KCNJ6: variants seen among roughly 807,000 people sequenced by gnomAD.
KCNJ6 encodes the protein G protein-activated inward rectifier potassium channel 2.
In KCNJ6, 9 loss-of-function variants were observed where a neutral mutation model predicts 34.2. The observed-to-expected ratio is 0.26, with a 90% confidence interval of 0.16 to 0.46. The LOEUF (loss-of-function observed/expected upper bound fraction) is 0.46, where lower values mean the gene tolerates loss of function less well. Ranked by LOEUF, KCNJ6 falls within the 20% of genes least tolerant of loss-of-function variation. KCNJ6 has a pLI of 1.00. For synonymous variants in KCNJ6, 196 were observed against 207.1 expected (o/e 0.95, Z 0.46); for missense variants, 236 against 531.3 (o/e 0.44, Z 5.46).
intron 3 of KCNJ6, among the ~76,000 whole-genome samples, chr21:37,626,126 C>T (rs1486869646): frequency 9.0e-6 from 1 of 110,828 alleles, no homozygotes; most frequent in Admixed American, 1.1e-4. Context: ...AGCTTTTCCC[C>T]CTTCTTTTTT....
At chr21:37,905,637 G>A (rs2055837980) in intron 1 of KCNJ6, among the ~76,000 whole-genome samples, 1 of 152,066 alleles carries the variant, frequency 6.6e-6, no homozygotes, top group African/African-American at 2.4e-5. Context: ...CCTTATTAAT[G>A]TTCTCCTCCC....
intron 2 of KCNJ6, among the ~76,000 whole-genome samples, chr21:37,741,225 G>T (rs1353591135): frequency 6.6e-6 from 1 of 152,130 alleles, no homozygotes; most frequent in Non-Finnish European, 1.5e-5. Flanking sequence ...TCCCCATGCT[G>T]TCTGGACTAG....
At chr21:37,879,108 G>T (rs1227880124) in intron 1 of KCNJ6, among the ~76,000 whole-genome samples, 2 of 152,190 alleles carry the variant, frequency 1.3e-5, no homozygotes, top group African/African-American at 4.8e-5. Flanking sequence ...ATCTTGCTAT[G>T]ATCTGGCTAG....
At chr21:37,639,119 C>T (rs139937965) in intron 3 of KCNJ6, among the ~76,000 whole-genome samples, 1 of 152,338 alleles carries the variant, frequency 6.6e-6, no homozygotes, top group African/African-American at 2.4e-5. Flanking sequence ...AATCAGAAAG[C>T]TTCCCTACTT....
intron 3 of KCNJ6, among the ~76,000 whole-genome samples, chr21:37,665,668 C>T (rs1439580879): frequency 6.6e-6 from 1 of 152,186 alleles, no homozygotes. Context: ...AGGAACAAGA[C>T]TAAAATACAG....
At chr21:37,822,731 T>C (rs77961453) in intron 2 of KCNJ6, among the ~76,000 whole-genome samples, 2,661 of 152,292 alleles carry the variant, frequency 0.017, 32 homozygotes, top group African/African-American at 0.032. Flanking sequence ...TAAAACCCAC[T>C]ATTGGTCTCA....
chr21:37,864,958 G>T (rs916451918), intron 1 of KCNJ6, among the ~76,000 whole-genome samples: 12 of 151,380 alleles, frequency 7.9e-5, no homozygotes, highest in Non-Finnish European at 2.9e-5. Context: ...TCTTGCCTTG[G>T]ACTCCCAAAG....
chr21:37,830,235 T>C (rs1369845506), intron 2 of KCNJ6, among the ~76,000 whole-genome samples: 1 of 152,194 alleles, frequency 6.6e-6, no homozygotes, highest in Non-Finnish European at 1.5e-5. Context: ...CCTGGAGTGG[T>C]TCAGGTTGAT....
At chr21:37,652,646 G>T (rs778321302) in intron 3 of KCNJ6, among the ~76,000 whole-genome samples, 1 of 152,140 alleles carries the variant, frequency 6.6e-6, no homozygotes, top group Admixed American at 6.6e-5. Context: ...GGACTAAGAG[G>T]TACCCTGGGA....
chr21:37,753,393 G>A (rs1044334107), intron 2 of KCNJ6, among the ~76,000 whole-genome samples: 1 of 152,204 alleles, frequency 6.6e-6, no homozygotes, highest in Non-Finnish European at 1.5e-5. Context: ...CTCTGATGAA[G>A]ATAGGCTATG....
intron 2 of KCNJ6, among the ~76,000 whole-genome samples, chr21:37,787,924 C>A (rs1400476920): frequency 6.6e-6 from 1 of 152,176 alleles, no homozygotes; most frequent in Non-Finnish European, 1.5e-5. Flanking sequence ...GTTGGAGAAC[C>A]TCTACCCTTA....
At position 37,669,576 on chromosome 21, in the gene KCNJ6, G is replaced by GT. The variant is rs1187782462; in HGVS notation, c.947-44093dup. On this transcript the variant is annotated intron_variant, in intron 3 of 3. Transcript: ENST00000609713. ...GTTGGGGAGCATGAAGTCTGTGTGTGTTGTGTGTGTGTGTGTGTGTGTGTG... is the reference window on the plus strand; with the variant it reads ...GTTGGGGAGCATGAAGTCTGTGTGTGTTTGTGTGTGTGTGTGTGTGTGTGTG... 2.2e-5 allele frequency among the ~76,000 whole-genome samples: 2 copies of GT among 90,724 alleles called. 1 individual carries two copies. The highest frequency in any genetic ancestry group is 7.6e-4 in the South Asian group (2 of 2,622). The allele number at this position is 90,724 out of a possible 152,430, so 59.5% of individuals were successfully genotyped here. A position where few individuals can be genotyped will look rare whatever the true frequency, so the allele number is the denominator to read the frequency against.
chr21:37,739,795 C>T (rs73408728), intron 2 of KCNJ6, among the ~76,000 whole-genome samples: 1,847 of 151,972 alleles, frequency 0.012, 34 homozygotes, highest in African/African-American at 0.043. Context: ...CCTGGAAAAA[C>T]GGGCATTTAC....
At chr21:37,682,669 T>C (rs1399589) in intron 3 of KCNJ6, among the ~76,000 whole-genome samples, 136,513 of 152,198 alleles carry the variant, frequency 0.9, 61,699 homozygotes, top group Non-Finnish European at 0.95. Context: ...AGACCGTTTT[T>C]CCTATAAGGC....
intron 1 of KCNJ6, among the ~76,000 whole-genome samples, chr21:37,850,973 C>G (rs547959697): frequency 3.9e-4 from 60 of 152,262 alleles, no homozygotes; most frequent in African/African-American, 9.6e-4. Flanking sequence ...TTGATTGATT[C>G]ATTCATTCAT....
chr21:37,734,589 G>A (rs947311615), intron 2 of KCNJ6, among the ~76,000 whole-genome samples: 3 of 152,106 alleles, frequency 2.0e-5, no homozygotes, highest in Non-Finnish European at 4.4e-5. Context: ...CAACATTCCC[G>A]CTATTTAACG....
chr21:37,638,082 C>T lies in KCNJ6; in HGVS notation c.947-12598G>A, dbSNP rs143526671. Among the ~76,000 whole-genome samples the T allele has an allele frequency of 1.4e-4, 22 of 152,340 alleles. No homozygotes were observed. In the East Asian group the frequency reaches 2.1e-3, roughly 15 times the overall value. On this transcript the variant is annotated intron_variant, in intron 3 of 3. Transcript: ENST00000609713. ...TTAGGAGGCCAAGCTCCAGAGTCTA[C>T]GCTGTCAACCACAACACTATTATTT...
At chr21:37,846,702 A>AT (rs1010934830) in intron 1 of KCNJ6, among the ~76,000 whole-genome samples, 15 of 152,154 alleles carry the variant, frequency 9.9e-5, no homozygotes, top group African/African-American at 2.6e-4. Context: ...GAAAACTGTG[A>AT]TTTTTTTCCC....
chr21:37,850,299 A>G (rs1344943162), intron 1 of KCNJ6, among the ~76,000 whole-genome samples: 1 of 152,108 alleles, frequency 6.6e-6, no homozygotes, highest in Non-Finnish European at 1.5e-5. Flanking sequence ...TACTTAGAAC[A>G]GGGGTCCCCA....
Sources: allele counts gnomAD v4.1 joint callset (sites outside exome capture counted in the v4.1 genomes callset), GRCh38; gene constraint gnomAD v4.1.1; transcripts MANE v1.5; gene names NCBI Gene and HGNC (gene_info 2026-07-23, HGNC 2026-07-21).